NBAS: variants seen among roughly 807,000 people sequenced by gnomAD.
NBAS encodes NBAS subunit of NRZ tethering complex.
Under a neutral mutation model 302.5 loss-of-function variants are expected in NBAS, and 219 were observed. The observed-to-expected ratio is 0.72, with a 90% CI of 0.65 to 0.81. The LOEUF is 0.81. NBAS is among the 30% of genes least tolerant of loss of function. The pLI, the probability that NBAS is intolerant of heterozygous loss-of-function variation, is 0.00. For missense variants in NBAS, 2,932 were observed against 2,841.6 expected (o/e 1.03, Z -0.72); for synonymous variants, 1,118 against 1,021.6 (o/e 1.09, Z -1.80).
the NBAS span, among the ~76,000 whole-genome samples, chr2:14,947,552 T>G: frequency 6.6e-6 from 1 of 152,032 alleles, no homozygotes; most frequent in Non-Finnish European, 1.5e-5. Flanking sequence ...CTTTAGGTTT[T>G]TCTAAGTATA....
chr2:15,028,949 G>A, the NBAS span, among the ~76,000 whole-genome samples: 2 of 152,042 alleles, frequency 1.3e-5, no homozygotes, highest in African/African-American at 4.8e-5. Flanking sequence ...GGAACTCATC[G>A]GTGTCATTCA....
intron 24 of NBAS, among the ~76,000 whole-genome samples, chr2:15,417,112 A>C (rs1676979230): frequency 6.6e-6 from 1 of 152,198 alleles, no homozygotes. Context: ...TCTCTTAAAC[A>C]TACTAACCCT....
rs1377754508 is a variant in NBAS at position 15,275,551 on chromosome 2, CG to C, written c.5656del (p.Arg1886ValfsTer11). 6.2e-7 allele frequency: 1 copy of C among 1,613,772 alleles called. No homozygotes were observed. The highest frequency in any genetic ancestry group is 1.3e-5 in the African/African-American group (1 of 74,910). Reference sequence around the variant, plus strand: ...AGTGATGAGGTCACCTGGGTGGAGACGATCAAAGTACTTCATGCAGACATCA... The same window carrying C: ...AGTGATGAGGTCACCTGGGTGGAGACATCAAAGTACTTCATGCAGACATCA... ...AYDVCMKYFD[R>X]LHPGDLITVV... On this transcript the variant is annotated frameshift_variant, in exon 44 of 52. Transcript: ENST00000281513. LOFTEE classifies it high-confidence loss of function.
At chr2:15,150,716 G>A in the NBAS span, among the ~76,000 whole-genome samples, 1 of 152,070 alleles carries the variant, frequency 6.6e-6, no homozygotes, top group African/African-American at 2.4e-5. Context: ...ATAATCAATA[G>A]CTTCCATAGG....
intron 9 of NBAS, among the ~76,000 whole-genome samples, chr2:15,521,385 A>G (rs1047783258): frequency 5.3e-5 from 8 of 152,202 alleles, no homozygotes; most frequent in Non-Finnish European, 1.2e-4. Context: ...CCATTCATAC[A>G]GTTGTTCCAC....
the NBAS span, among the ~76,000 whole-genome samples, chr2:15,007,599 T>C: frequency 6.6e-6 from 1 of 152,216 alleles, no homozygotes; most frequent in Non-Finnish European, 1.5e-5. Flanking sequence ...TGTTAATAGC[T>C]TGAGCTCTAT....
intron 32 of NBAS, among the ~76,000 whole-genome samples, chr2:15,359,013 A>G (rs1673765984): frequency 6.6e-6 from 1 of 152,184 alleles, no homozygotes; most frequent in Non-Finnish European, 1.5e-5. Context: ...CTCCTAAAAT[A>G]AAACTGCAAT....
rs372939183 is a variant in NBAS, at chr2:15,218,860, T to C, written c.6345A>G (p.Gln2115=). Residue 2115 remains glutamine (Q), a synonymous_variant, in exon 48 of 52, where the codon CAA becomes CAG. Transcript: ENST00000281513. ...PRIHVLQILG[Q]SFHLTEEDSK... Reference sequence around the variant, plus strand: ...TGTCCTCCTCAGTCAGGTGAAATGATTGCCCCAAAATCTGCAGCACGTGAA... The same window carrying C: ...TGTCCTCCTCAGTCAGGTGAAATGACTGCCCCAAAATCTGCAGCACGTGAA... 102 of 1,614,248 alleles carry C rather than the reference T, an allele frequency of 6.3e-5. No individual in the cohort carries two copies. Among genetic ancestry groups the C allele is most frequent in the Non-Finnish European group, 8.1e-5 (96 of 1,180,046 alleles).
At chr2:15,034,222 G>GGGAAAGAAAGAA in the NBAS span, among the ~76,000 whole-genome samples, 2 of 39,704 alleles carry the variant, frequency 5.0e-5, no homozygotes, top group Non-Finnish European at 4.4e-5. Flanking sequence ...AAGAAAGAGA[G>GGGAAAGAAAGAA]GGAAAGAAAG....
chr2:15,341,953 A>G (rs933158019), intron 35 of NBAS, among the ~76,000 whole-genome samples: 4 of 152,176 alleles, frequency 2.6e-5, no homozygotes, highest in African/African-American at 9.7e-5. Flanking sequence ...TGTAAACTGA[A>G]TCTTCCACAG....
chr2:15,411,780 A>C (rs1211451616), intron 25 of NBAS, among the ~76,000 whole-genome samples: 1 of 152,216 alleles, frequency 6.6e-6, no homozygotes, highest in African/African-American at 2.4e-5. Context: ...TGCTTCTGCT[A>C]ATTTCTAATC....
the NBAS span, among the ~76,000 whole-genome samples, chr2:15,074,081 G>A: frequency 2.0e-5 from 3 of 152,042 alleles, no homozygotes; most frequent in African/African-American, 7.2e-5. Context: ...ACAATGATCA[G>A]AACAACTTGA....
At chr2:15,408,517 T>C (rs2148444726) in intron 25 of NBAS, among the ~76,000 whole-genome samples, 1 of 152,344 alleles carries the variant, frequency 6.6e-6, no homozygotes, top group South Asian at 2.1e-4. Context: ...GTATATAATT[T>C]CCTTCTTCAT....
chr2:15,238,344 C>A, intron 45 of NBAS, 124 bp downstream of exon 45: 1 of 913,434 alleles, frequency 1.1e-6, no homozygotes, highest in Non-Finnish European at 1.7e-6. Flanking sequence ...TAAAGGCTTG[C>A]GGACAATTTT....
rs751258419 is a variant in NBAS, at chr2:15,309,222, G to C, written c.4608C>G (p.Ala1536=). The C allele has an allele frequency of 6.2e-7, 1 of 1,612,232 alleles. No homozygotes were observed. Among genetic ancestry groups the C allele is most frequent in the Non-Finnish European group, 8.5e-7 (1 of 1,178,852 alleles). ...GAGCCAAGGTCATGTCATTTGGCAAGGCTTCACTTGCTAGTTGCAAGAGAA... is the reference window on the plus strand; with the variant it reads ...GAGCCAAGGTCATGTCATTTGGCAACGCTTCACTTGCTAGTTGCAAGAGAA... ...TEVLLQLASE[A]LPNDMTLALA... The change falls in exon 39 of 52, where the codon GCC becomes GCG. Residue 1536 remains alanine, a synonymous_variant. Coordinates refer to ENST00000281513, the MANE Select transcript of NBAS (RefSeq NM_015909.4).
intron 9 of NBAS, among the ~76,000 whole-genome samples, chr2:15,514,745 G>A (rs766952474): frequency 4.6e-5 from 7 of 152,044 alleles, no homozygotes; most frequent in Non-Finnish European, 8.8e-5. Flanking sequence ...GAAACTTTAA[G>A]TTGGCTGACT....
chr2:15,517,212 C>T (rs944014080), intron 9 of NBAS, among the ~76,000 whole-genome samples: 11 of 151,682 alleles, frequency 7.3e-5, no homozygotes, highest in Non-Finnish European at 1.5e-4. Flanking sequence ...AATTGTGTGT[C>T]GCAGGGGTTT....
At position 15,467,354 on chromosome 2, in the gene NBAS, T is replaced by C; in HGVS notation, c.2072A>G (p.Tyr691Cys). The change falls in exon 19 of 52, where the codon TAC becomes TGC. Residue 691 changes from tyrosine (Y) to cysteine (C), a missense_variant. Tyr to Cys is a radical substitution (Grantham distance 194). Coordinates refer to ENST00000281513, the MANE Select transcript of NBAS (RefSeq NM_015909.4). ...LCRCRRKLLT[Y>C]LDRLATYEEI... ...CTCATATGTTGCAAGTCGATCTAAG[T>C]AGGTTAATAACTTCCGTCTACAACG... is the stretch of plus-strand genomic sequence containing the variant. 2 of 1,613,334 alleles carry C rather than the reference T, an allele frequency of 1.2e-6. No individual in the cohort carries two copies. Among genetic ancestry groups the C allele is most frequent in the African/African-American group, 2.7e-5 (2 of 75,034 alleles).
At chr2:15,454,014 T>C (rs1472552340) in intron 21 of NBAS, among the ~76,000 whole-genome samples, 1 of 152,106 alleles carries the variant, frequency 6.6e-6, no homozygotes, top group Non-Finnish European at 1.5e-5. Context: ...CTTGACCTCA[T>C]GATGCGCCCG....
Sources: allele counts gnomAD v4.1 joint callset (sites outside exome capture counted in the v4.1 genomes callset), GRCh38; gene constraint gnomAD v4.1.1; transcripts MANE v1.5; gene names NCBI Gene and HGNC (gene_info 2026-07-23, HGNC 2026-07-21).